Variants in SKAP2 observed in about 807,000 individuals in gnomAD.
SKAP2 encodes the protein src kinase-associated phosphoprotein 2.
A neutral mutation model predicts 54.9 loss-of-function variants in SKAP2; 28 were observed. The ratio of observed to expected loss-of-function variants is 0.51; its 90% CI spans 0.38 to 0.70. The LOEUF is 0.70. Among genes scored for constraint, SKAP2 ranks in the 30% least tolerant of loss-of-function variants. The pLI, the probability that SKAP2 is intolerant of heterozygous loss-of-function variation, is 0.00. For synonymous variants in SKAP2, 137 were observed against 134.3 expected, an observed-to-expected ratio of 1.02 and a Z score of -0.14; for missense variants, 356 against 424.1, an observed-to-expected ratio of 0.84 and a Z score of 1.41.
intron 4 of SKAP2, among the ~76,000 whole-genome samples, chr7:26,782,898 G>A (rs948399763): frequency 5.3e-5 from 8 of 152,256 alleles, no homozygotes; most frequent in East Asian, 1.9e-4. Context: ...AACTGTGAGC[G>A]ATAAATATCT....
Position 26,729,307 on chromosome 7 carries a change from G to A in SKAP2, c.470-2301C>T, listed in dbSNP as rs573108154. On this transcript the variant is annotated intron_variant, in intron 6 of 12. Transcript: ENST00000345317. ...AGATTTCATAGACATGTACTTGTTC[G>A]AGGATAAGAAAAGAGGAACAGCAAA... Among the ~76,000 whole-genome samples the A allele has an allele frequency of 2.6e-5, 4 of 152,202 alleles. No homozygotes were observed. In the South Asian group the frequency reaches 6.2e-4, roughly 24 times the overall value.
At chr7:26,693,248 C>A (rs1786825449) in intron 9 of SKAP2, among the ~76,000 whole-genome samples, 1 of 148,354 alleles carries the variant, frequency 6.7e-6, no homozygotes, top group Admixed American at 6.8e-5. Flanking sequence ...AGGAGAATCG[C>A]TTGAACCTGG....
intron 10 of SKAP2, among the ~76,000 whole-genome samples, chr7:26,685,163 C>A (rs1786602675): frequency 1.3e-5 from 2 of 152,144 alleles, no homozygotes; most frequent in South Asian, 4.1e-4. Flanking sequence ...AAATAACAAA[C>A]CTAAGCCCAC....
chr7:26,747,111 C>T (rs919138090), intron 4 of SKAP2, among the ~76,000 whole-genome samples: 1 of 151,932 alleles, frequency 6.6e-6, no homozygotes, highest in African/African-American at 2.4e-5. Context: ...TAATCACTGC[C>T]GTAACTCTAA....
intron 4 of SKAP2, among the ~76,000 whole-genome samples, chr7:26,767,826 T>C (rs956426533): frequency 6.6e-6 from 1 of 152,168 alleles, no homozygotes; most frequent in Non-Finnish European, 1.5e-5. Flanking sequence ...GTCTGAGTGA[T>C]GGTTTATTAT....
At chr7:26,758,429 T>A (rs1035231764) in intron 4 of SKAP2, among the ~76,000 whole-genome samples, 1 of 152,164 alleles carries the variant, frequency 6.6e-6, no homozygotes, top group African/African-American at 2.4e-5. Flanking sequence ...ATGATACAAT[T>A]TGAAAACAAT....
chr7:26,725,305 T>G, intron 9 of SKAP2, 123 bp downstream of exon 9: 1 of 605,584 alleles, frequency 1.7e-6, no homozygotes, highest in African/African-American at 1.9e-5. Flanking sequence ...GTCCTTGTTC[T>G]CAATAGGTCA....
chr7:26,773,746 T>C (rs975516471), intron 4 of SKAP2, among the ~76,000 whole-genome samples: 2 of 152,138 alleles, frequency 1.3e-5, no homozygotes, highest in Admixed American at 6.5e-5. Context: ...ACAATACAGG[T>C]TTTGCAGTTA....
chr7:26,794,093 C>A (rs938885761), intron 4 of SKAP2, among the ~76,000 whole-genome samples: 1 of 152,174 alleles, frequency 6.6e-6, no homozygotes, highest in Admixed American at 6.5e-5. Flanking sequence ...CTATCCCCAG[C>A]AGGAGCCCAA....
At chr7:26,792,615 C>T (rs1783693410) in intron 4 of SKAP2, among the ~76,000 whole-genome samples, 1 of 152,104 alleles carries the variant, frequency 6.6e-6, no homozygotes, top group South Asian at 2.1e-4. Context: ...AAGAAGATTA[C>T]TTTTCTTAAT....
rs576467568 is a variant in SKAP2 at position 26,820,747 on chromosome 7, TATG to T, written c.307+23280_307+23282del. ...TCAGTTATCTTTTAGCTACTCACAA[TATG>T]ATATGATTAAATAAAATATTGTCCA... is the stretch of plus-strand genomic sequence containing the variant. On this transcript the variant is annotated intron_variant, in intron 4 of 12. Transcript: ENST00000345317. Among the ~76,000 whole-genome samples the T allele has an allele frequency of 1.9e-3, 292 of 152,274 alleles. 2 individuals are homozygous for T. The highest frequency in any genetic ancestry group is 1.3e-3 in the Non-Finnish European group (87 of 67,992).
chr7:26,782,907 C>T (rs1783458600), intron 4 of SKAP2, among the ~76,000 whole-genome samples: 1 of 152,170 alleles, frequency 6.6e-6, no homozygotes, highest in South Asian at 2.1e-4. Flanking sequence ...CGATAAATAT[C>T]TGTTGATTAT....
chr7:26,854,279 GA>G (rs1400596694), intron 2 of SKAP2, 117 bp from the exon 3 acceptor site: 1 of 555,938 alleles, frequency 1.8e-6, no homozygotes, highest in Non-Finnish European at 3.1e-6. Flanking sequence ...ATATACATTA[GA>G]AAAAAACTAA....
intron 10 of SKAP2, among the ~76,000 whole-genome samples, chr7:26,690,025 G>C (rs1220338831): frequency 6.6e-6 from 1 of 152,182 alleles, no homozygotes; most frequent in African/African-American, 2.4e-5. Flanking sequence ...CCTTTGTGCA[G>C]AAATGAAAGC....
At chr7:26,724,999 C>T (rs10227898) in intron 9 of SKAP2, among the ~76,000 whole-genome samples, 99,411 of 151,842 alleles carry the variant, frequency 0.65, 33,017 homozygotes, top group East Asian at 0.9. Flanking sequence ...AGGAGAAATA[C>T]GAGGCAGAAG....
chr7:26,788,225 T>C (rs1783598754), intron 4 of SKAP2, among the ~76,000 whole-genome samples: 1 of 152,252 alleles, frequency 6.6e-6, no homozygotes, highest in Non-Finnish European at 1.5e-5. Flanking sequence ...ACTGCGATCA[T>C]TTCATATTGT....
intron 3 of SKAP2, among the ~76,000 whole-genome samples, chr7:26,848,845 C>A (rs900435276): frequency 2.0e-5 from 3 of 152,150 alleles, no homozygotes; most frequent in Non-Finnish European, 2.9e-5. Context: ...AGATTCTCCT[C>A]ATAATTCTTC....
rs547487280 is a variant in SKAP2, at chr7:26,693,247, G to A, written c.797-2885C>T. ...CTCAGGAGACTGAGGAAGGAGAATC[G>A]CTTGAACCTGGGAGGCGGAGGTTGC... On this transcript the variant is annotated intron_variant, in intron 9 of 12. Coordinates refer to ENST00000345317, the MANE Select transcript of SKAP2 (RefSeq NM_003930.5). Among the ~76,000 whole-genome samples the A allele has an allele frequency of 8.0e-5, 12 of 150,034 alleles. No homozygotes were observed. The South Asian group carries it at 1.3e-3, about 16-fold the overall frequency.
intron 4 of SKAP2, among the ~76,000 whole-genome samples, chr7:26,745,122 T>C (rs529350473): frequency 4.6e-4 from 56 of 120,746 alleles, no homozygotes; most frequent in Middle Eastern, 4.3e-3. Context: ...TTGGCATTTA[T>C]ATAGTTTTCA....
Sources: gnomAD v4.1 joint callset for allele counts (sites outside exome capture counted in the v4.1 genomes callset) on GRCh38, gnomAD v4.1.1 for gene constraint, MANE v1.5 for transcripts, NCBI Gene and HGNC (gene_info 2026-07-23, HGNC 2026-07-21) for gene names.